GLT1D1: variants seen among roughly 807,000 people sequenced by gnomAD.
GLT1D1 encodes the protein glycosyltransferase 1 domain-containing protein 1.
In GLT1D1, 21 loss-of-function variants were observed where a neutral mutation model predicts 28.7. The observed-to-expected ratio is 0.73, with a 90% CI of 0.52 to 1.05. The LOEUF (loss-of-function observed/expected upper bound fraction) is 1.05, where lower values mean the gene tolerates loss of function less well. GLT1D1 is among the 50% of genes least tolerant of loss of function. The probability of loss-of-function intolerance (pLI) is 0.00; values close to 1 mark genes in which losing one functional copy is unlikely to be tolerated. For missense variants in GLT1D1, 343 were observed against 330.6 expected (o/e 1.04, Z -0.29); for synonymous variants, 147 against 124.8 (o/e 1.18, Z -1.19).
intron 4 of GLT1D1, among the ~76,000 whole-genome samples, chr12:128,899,825 T>C (rs779736092): frequency 6.6e-6 from 1 of 152,196 alleles, no homozygotes; most frequent in African/African-American, 2.4e-5. Context: ...GTGCCGGGAT[T>C]ACAGGCATGA....
chr12:128,930,213 T>G (rs375717938), intron 4 of GLT1D1: 2 of 152,330 alleles, frequency 1.3e-5, no homozygotes, highest in East Asian at 3.9e-4. Context: ...TAAAATTATC[T>G]TGTCATTTTT....
At chr12:128,882,084 A>T (rs996659291) in intron 2 of GLT1D1, among the ~76,000 whole-genome samples, 1 of 152,090 alleles carries the variant, frequency 6.6e-6, no homozygotes, top group Non-Finnish European at 1.5e-5. Context: ...CATTTATATA[A>T]CTGTGTATAT....
At chr12:128,971,631 TC>T (rs1229581099) in intron 7 of GLT1D1, among the ~76,000 whole-genome samples, 1 of 2,894 alleles carries the variant, frequency 3.5e-4, no homozygotes, top group Non-Finnish European at 6.2e-4. Flanking sequence ...CCTCCTCCCT[TC>T]CCCCCTCCCT....
At chr12:128,861,443 A>G (rs1163475026) in intron 1 of GLT1D1, among the ~76,000 whole-genome samples, 2 of 152,160 alleles carry the variant, frequency 1.3e-5, no homozygotes, top group Non-Finnish European at 2.9e-5. Context: ...AGAGCTGCCA[A>G]GGGTACTGGG....
intron 4 of GLT1D1, among the ~76,000 whole-genome samples, chr12:128,900,203 C>T (rs944029930): frequency 2.0e-5 from 3 of 152,180 alleles, no homozygotes; most frequent in African/African-American, 7.2e-5. Flanking sequence ...CTGTCTCTGG[C>T]GGTGGGAACT....
At chr12:128,889,016 C>T (rs752017226) in intron 3 of GLT1D1, among the ~76,000 whole-genome samples, 12 of 152,148 alleles carry the variant, frequency 7.9e-5, no homozygotes, top group Non-Finnish European at 1.5e-4. Context: ...TAGTGAGGCA[C>T]GCCTGTGGTC....
chr12:128,893,596 T>C (rs1206972595), intron 3 of GLT1D1, among the ~76,000 whole-genome samples: 1 of 152,178 alleles, frequency 6.6e-6, no homozygotes, highest in East Asian at 1.9e-4. Context: ...TTTTATTGTT[T>C]TTTTTTGGAC....
intron 7 of GLT1D1, among the ~76,000 whole-genome samples, chr12:128,972,505 G>C (rs1879283171): frequency 6.6e-6 from 1 of 152,142 alleles, no homozygotes; most frequent in African/African-American, 2.4e-5. Context: ...GTGACTGGGT[G>C]CTCCTCCTTT....
chr12:128,866,777 C>A (rs1306016180), intron 1 of GLT1D1, among the ~76,000 whole-genome samples: 2 of 152,108 alleles, frequency 1.3e-5, no homozygotes, highest in Non-Finnish European at 2.9e-5. Context: ...TGCGCCACCA[C>A]ACCTGGCTAA....
intron 4 of GLT1D1, among the ~76,000 whole-genome samples, chr12:128,903,885 C>A (rs1034809699): frequency 6.6e-6 from 1 of 151,774 alleles, no homozygotes; most frequent in Non-Finnish European, 1.5e-5. Context: ...CTCCCGCCAT[C>A]ATGCCCAGCT....
chr12:128,869,280 C>T (rs1956625140), intron 1 of GLT1D1, among the ~76,000 whole-genome samples: 1 of 152,178 alleles, frequency 6.6e-6, no homozygotes, highest in Admixed American at 6.5e-5. Context: ...CATCCTCCCA[C>T]CTCAGCTTCC....
chr12:128,897,392 G>C (rs946385396), intron 3 of GLT1D1, among the ~76,000 whole-genome samples: 2 of 151,970 alleles, frequency 1.3e-5, no homozygotes, highest in African/African-American at 2.4e-5. Flanking sequence ...TATAATCAAA[G>C]CTTTTTTATC....
intron 4 of GLT1D1, among the ~76,000 whole-genome samples, chr12:128,909,460 A>G (rs1002104779): frequency 1.3e-5 from 2 of 152,136 alleles, no homozygotes; most frequent in Non-Finnish European, 2.9e-5. Context: ...CTTTATATGT[A>G]TGGGCCATCA....
intron 7 of GLT1D1, among the ~76,000 whole-genome samples, chr12:128,976,761 C>G (rs868006454): frequency 1.3e-5 from 2 of 152,190 alleles, no homozygotes; most frequent in Non-Finnish European, 2.9e-5. Flanking sequence ...TTTTGCTTCT[C>G]GTGGAGGAGT....
chr12:128,879,378 T>TTTTCTTTC (rs572806857), intron 2 of GLT1D1, among the ~76,000 whole-genome samples: 2,436 of 69,200 alleles, frequency 0.035, 156 homozygotes, highest in Non-Finnish European at 0.04. Flanking sequence ...ATTTTTTTCT[T>TTTTCTTTC]TTTCTTTCTT....
intron 7 of GLT1D1, among the ~76,000 whole-genome samples, chr12:128,969,650 G>T (rs1025237265): frequency 2.0e-5 from 3 of 152,198 alleles, no homozygotes; most frequent in African/African-American, 7.2e-5. Context: ...CCTCCTGGCC[G>T]CCTCACTCCT....
At chr12:128,971,464 C>CTCTCTA in intron 7 of GLT1D1, among the ~76,000 whole-genome samples, 1 of 110,844 alleles carries the variant, frequency 9.0e-6, no homozygotes, top group South Asian at 3.8e-4. Flanking sequence ...CTCCATCCCT[C>CTCTCTA]CCTCTGCCTC....
intron 1 of GLT1D1, among the ~76,000 whole-genome samples, chr12:128,859,317 T>A (rs934056254): frequency 7.9e-5 from 12 of 152,214 alleles, no homozygotes; most frequent in Admixed American, 7.2e-4. Context: ...AGAGACCATC[T>A]CTTCCAGAGC....
At chr12:128,863,837 T>C (rs1030325801) in intron 1 of GLT1D1, among the ~76,000 whole-genome samples, 4 of 149,958 alleles carry the variant, frequency 2.7e-5, no homozygotes, top group Non-Finnish European at 5.9e-5. Context: ...TCCCAGCTAC[T>C]CGGGAGGCTG....
Sources: gnomAD v4.1 joint callset for allele counts (sites outside exome capture counted in the v4.1 genomes callset) on GRCh38, gnomAD v4.1.1 for gene constraint, MANE v1.5 for transcripts, NCBI Gene and HGNC (gene_info 2026-07-23, HGNC 2026-07-21) for gene names.